MTNR1A: variants seen among roughly 807,000 people sequenced by gnomAD.
The protein encoded by MTNR1A is melatonin receptor type 1A.
MTNR1A carries 7 observed loss-of-function variants against 5.5 expected under a neutral mutation model. The ratio of observed to expected loss-of-function variants is 1.28; its 90% confidence interval spans 0.73 to 2.40. The LOEUF is 2.40. MTNR1A is among the 30% of genes most tolerant of loss of function. The pLI is 0.00. For synonymous variants in MTNR1A, 196 were observed against 202.7 expected (o/e 0.97, Z 0.28); for missense variants, 441 against 464.4 (o/e 0.95, Z 0.46).
intron 1 of MTNR1A, among the ~76,000 whole-genome samples, chr4:186,536,871 T>G (rs1736866904): frequency 6.6e-6 from 1 of 152,242 alleles, no homozygotes; most frequent in Non-Finnish European, 1.5e-5. Context: ...ATAAATTATT[T>G]AGCTCAAAAT....
At chr4:186,543,475 G>A (rs891310192) in intron 1 of MTNR1A, among the ~76,000 whole-genome samples, 1 of 152,218 alleles carries the variant, frequency 6.6e-6, no homozygotes, top group African/African-American at 2.4e-5. Context: ...GTGGCCACCT[G>A]GCCAACTGCA....
chr4:186,554,360 T>TC (rs1332066961), intron 1 of MTNR1A, among the ~76,000 whole-genome samples: 1 of 152,014 alleles, frequency 6.6e-6, no homozygotes, highest in Non-Finnish European at 1.5e-5. Flanking sequence ...CACGTTTCGT[T>TC]CCCCGCCCCT....
At position 186,533,785 on chromosome 4, in the gene MTNR1A, G is replaced by A; in HGVS notation, c.957C>T (p.Phe319=). The A allele has an allele frequency of 6.2e-7, 1 of 1,614,188 alleles. No homozygotes were observed. Among genetic ancestry groups the A allele is most frequent in the Non-Finnish European group, 8.5e-7 (1 of 1,180,048 alleles). ...IIVSLCTARV[F]FVDSSNDVAD... is the part of the protein sequence containing the mutation. Reference sequence around the variant, plus strand: ...CCACGTCGTTAGAGCTGTCCACAAAGAACACCCTGGCTGTACAGAGCGAGA... The same window carrying A: ...CCACGTCGTTAGAGCTGTCCACAAAAAACACCCTGGCTGTACAGAGCGAGA... The change falls in exon 2 of 2, where the codon TTC becomes TTT. Residue 319 remains phenylalanine, a synonymous_variant. Coordinates refer to ENST00000307161, the MANE Select transcript of MTNR1A (RefSeq NM_005958.4).
chr4:186,539,889 C>A (rs980503905), intron 1 of MTNR1A, among the ~76,000 whole-genome samples: 14 of 152,334 alleles, frequency 9.2e-5, no homozygotes, highest in Middle Eastern at 3.4e-3. Flanking sequence ...CCAGGATCTC[C>A]ATAGACACCC....
At chr4:186,554,983 C>T (rs927722657) in intron 1 of MTNR1A, among the ~76,000 whole-genome samples, 199 bp downstream of exon 1, 2 of 152,220 alleles carry the variant, frequency 1.3e-5, no homozygotes, top group African/African-American at 4.8e-5. Flanking sequence ...AGTGTCCCAC[C>T]TCTTAGGGGC....
In MTNR1A at chr4:186,548,810, GATAT is replaced by G. The variant is rs71595106; in HGVS notation, c.184+6368_184+6371del. 5.5e-3 allele frequency among the ~76,000 whole-genome samples: 299 copies of G among 54,578 alleles called. 3 individuals are homozygous for G. Among genetic ancestry groups the G allele is most frequent in the South Asian group, 0.029 (33 of 1,144 alleles). 35.8% of individuals were successfully genotyped at this position (54,578 alleles called of 152,430 possible). Reference sequence around the variant, plus strand: ...AGATAAGGAATGCTTAATCTATAAAGATATATATATATATATATATATATATATA... The same window carrying G: ...AGATAAGGAATGCTTAATCTATAAAGATATATATATATATATATATATATA... On this transcript the variant is annotated intron_variant, in intron 1 of 1. Transcript: ENST00000307161.
intron 1 of MTNR1A, among the ~76,000 whole-genome samples, chr4:186,551,521 TGATA>T (rs1453882417): frequency 1.3e-5 from 2 of 151,996 alleles, no homozygotes; most frequent in Admixed American, 6.6e-5. Flanking sequence ...TACCTCATAA[TGATA>T]GATAGGTGGG....
Position 186,533,818 on chromosome 4 carries a change from TCTC to T in MTNR1A, c.921_923del (p.Arg308del), listed in dbSNP as rs1736766840. ...TGGCTGTACAGAGCGAGACTATAATTCTCCTGTATTCCTTCCTGAAATTTTGGT... is the reference window on the plus strand; with the variant it reads ...TGGCTGTACAGAGCGAGACTATAATTCTGTATTCCTTCCTGAAATTTTGGT... On this transcript the variant is annotated inframe_deletion, in exon 2 of 2. Transcript: ENST00000307161. 3.1e-6 allele frequency: 5 copies of T among 1,614,078 alleles called. No individual in the cohort carries two copies. Among genetic ancestry groups the T allele is most frequent in the Non-Finnish European group, 4.2e-6 (5 of 1,180,040 alleles).
chr4:186,533,758 G>A lies in MTNR1A; in HGVS notation c.984C>T (p.Ala328=), dbSNP rs760375767. The part of the protein sequence containing the change: ...VFFVDSSNDV[A]DRVKWKPSPL... ...GAGACGGTTTCCATTTAACCCTATC[G>A]GCCACGTCGTTAGAGCTGTCCACAA... is the stretch of plus-strand genomic sequence containing the variant. The change falls in exon 2 of 2, where the codon GCC becomes GCT. Residue 328 remains alanine (A), a synonymous_variant. Transcript: ENST00000307161. 13 of 1,613,968 alleles carry A rather than the reference G, an allele frequency of 8.1e-6. No homozygotes were observed. The African/African-American group carries it at 9.3e-5, about 12-fold the overall frequency.
rs755300551 is a variant in MTNR1A at position 186,534,574 on chromosome 4, T to C, written c.185-17A>G. ...AGATGTTTCCTGAAAGAGAATCGTT[T>C]AGAAAATACAGTGAATACCAGTTCA... On this transcript the variant is annotated splice_polypyrimidine_tract_variant and intron_variant, in intron 1 of 1. Transcript: ENST00000307161. 1.4e-5 allele frequency: 22 copies of C among 1,607,076 alleles called. No individual in the cohort carries two copies. Among genetic ancestry groups the C allele is most frequent in the Admixed American group, 6.7e-5 (4 of 60,004 alleles).
chr4:186,551,212 A>G (rs974141929), intron 1 of MTNR1A, among the ~76,000 whole-genome samples: 4 of 152,224 alleles, frequency 2.6e-5, no homozygotes, highest in African/African-American at 9.6e-5. Flanking sequence ...TTCACTTAAA[A>G]TTAGAGAACA....
chr4:186,549,457 C>T (rs989928819), intron 1 of MTNR1A, among the ~76,000 whole-genome samples: 33 of 152,262 alleles, frequency 2.2e-4, no homozygotes, highest in African/African-American at 7.5e-4. Flanking sequence ...TCACTAATTC[C>T]GTCTCAATCT....
Position 186,534,129 on chromosome 4 carries a change from A to G in MTNR1A, c.613T>C (p.Phe205Leu), listed in dbSNP as rs979558798. The G allele has an allele frequency of 1.9e-6, 3 of 1,613,958 alleles. No homozygotes were observed. The highest frequency in any genetic ancestry group is 3.3e-5 in the Admixed American group (2 of 59,996). The change falls in exon 2 of 2, where the codon TTC (phenylalanine) becomes CTC (leucine). Residue 205 changes from phenylalanine (F) to leucine (L), a missense_variant. Phe to Leu is a conservative substitution (Grantham distance 22). Transcript: ENST00000307161. ...AGGATCCATATTCTCAGGTAACAGA[A>G]GATGACTATGATCATGGGGACGAGG... ...HFLVPMIIVI[F>L]CYLRIWILVL...
chr4:186,546,341 C>T (rs1332552912), intron 1 of MTNR1A, among the ~76,000 whole-genome samples: 1 of 151,974 alleles, frequency 6.6e-6, no homozygotes, highest in Non-Finnish European at 1.5e-5. Flanking sequence ...CCCACCCCTC[C>T]TGCCGTCGGC....
At position 186,533,870 on chromosome 4, in the gene MTNR1A, T is replaced by C. The variant is rs372464289; in HGVS notation, c.872A>G (p.Asn291Ser). ...GTTCAGTAGCCCGTATATAATGGCATTGAGGCAGCTGTTGAAATACGCCAT... is the reference window on the plus strand; with the variant it reads ...GTTCAGTAGCCCGTATATAATGGCACTGAGGCAGCTGTTGAAATACGCCAT... ...YYMAYFNSCL[N>S]AIIYGLLNQN... Residue 291 changes from asparagine to serine, a missense_variant, in exon 2 of 2, where the codon AAT becomes AGT. By Grantham distance (46) the Asn-to-Ser change is conservative. Transcript: ENST00000307161. 2.2e-5 allele frequency: 35 copies of C among 1,614,058 alleles called. No homozygotes were observed. The highest frequency in any genetic ancestry group is 1.3e-4 in the South Asian group (12 of 91,090).
intron 1 of MTNR1A, among the ~76,000 whole-genome samples, chr4:186,552,036 T>C (rs1737275390): frequency 6.6e-6 from 1 of 152,224 alleles, no homozygotes; most frequent in Admixed American, 6.5e-5. Flanking sequence ...ACACCACTCA[T>C]GATGACATCT....
In MTNR1A at chr4:186,534,102, C is replaced by G. The variant is rs561679720; in HGVS notation, c.640G>C (p.Val214Leu). The change falls in exon 2 of 2, where the codon GTT becomes CTT. Residue 214 changes from valine (V) to leucine (L), a missense_variant. Physicochemically the swap from Val to Leu is conservative, Grantham distance 32 (BLOSUM62 1). Transcript: ENST00000307161. Reference sequence around the variant, plus strand: ...TTCACCCTCTGTCTGACCTGGAGAACCAGGATCCATATTCTCAGGTAACAG... The same window carrying G: ...TTCACCCTCTGTCTGACCTGGAGAAGCAGGATCCATATTCTCAGGTAACAG... ...IFCYLRIWIL[V>L]LQVRQRVKPD... The G allele has an allele frequency of 2.5e-6, 4 of 1,614,136 alleles. No homozygotes were observed. In the South Asian group the frequency reaches 4.4e-5, roughly 18 times the overall value.
chr4:186,555,099 C>T lies in MTNR1A; in HGVS notation c.184+83G>A. 7.1e-7 allele frequency: 1 copy of T among 1,409,092 alleles called. No individual in the cohort carries two copies. The highest frequency in any genetic ancestry group is 2.0e-5 in the Admixed American group (1 of 50,714). 87.3% of individuals were successfully genotyped at this position (1,409,092 alleles called of 1,614,324 possible). On this transcript the variant is annotated intron_variant, in intron 1 of 1. Coordinates refer to ENST00000307161, the MANE Select transcript of MTNR1A (RefSeq NM_005958.4). This position sits in a 1 kb window ranked among gnomAD's most constrained non-coding sequence, Gnocchi z 4.1. ...AGTCCGCAGTGTTTAGGAAAAAGAA[C>T]CAAGTGCTTGGGGAAGGCTGGCTGC...
chr4:186,553,816 A>G (rs181271093), intron 1 of MTNR1A, among the ~76,000 whole-genome samples: 357 of 152,254 alleles, frequency 2.3e-3, no homozygotes, highest in African/African-American at 8.3e-3. Flanking sequence ...CCAGCCGTGA[A>G]CACTTTTTAA....
Sources: gnomAD v4.1 joint callset for allele counts (sites outside exome capture counted in the v4.1 genomes callset) on GRCh38, gnomAD v4.1.1 for gene constraint, Gnocchi (gnomAD v3.1) non-coding constraint, MANE v1.5 for transcripts, NCBI Gene and HGNC (gene_info 2026-07-23, HGNC 2026-07-21) for gene names.